The following OGA variants were observed in gnomAD, a reference collection of about 807,000 sequenced individuals.
OGA encodes the protein O-GlcNAcase.
OGA carries 21 observed loss-of-function variants against 102.0 expected under a neutral mutation model. The observed-to-expected ratio is 0.21, with a 90% CI of 0.15 to 0.30. OGA has a LOEUF of 0.30. Ranked by LOEUF, OGA falls within the 10% of genes least tolerant of loss-of-function variation. OGA has a pLI of 1.00. For missense variants in OGA, 765 were observed against 1,107.8 expected (o/e 0.69, Z 4.39); for synonymous variants, 408 against 378.2 (o/e 1.08, Z -0.91).
intron 3 of OGA, 62 bp downstream of exon 3, chr10:101,812,968 A>G: frequency 8.0e-7 from 1 of 1,253,068 alleles, no homozygotes; most frequent in Non-Finnish European, 1.2e-6. Flanking sequence ...GTACAACTAC[A>G]TTTAAAATAT....
At chr10:101,802,880 T>C (rs949302781) in intron 7 of OGA, among the ~76,000 whole-genome samples, 3 of 150,730 alleles carry the variant, frequency 2.0e-5, no homozygotes, top group African/African-American at 7.3e-5. Context: ...GGCTCATGCC[T>C]GTAATCCCAG....
chr10:101,805,159 C>T (rs2065451414), intron 6 of OGA, among the ~76,000 whole-genome samples: 1 of 152,114 alleles, frequency 6.6e-6, no homozygotes, highest in South Asian at 2.1e-4. Flanking sequence ...ACCTCAGCCC[C>T]CTAAGTAGCT....
chr10:101,800,699 G>C (rs1005263445), intron 7 of OGA, among the ~76,000 whole-genome samples: 2 of 151,786 alleles, frequency 1.3e-5, no homozygotes, highest in Non-Finnish European at 2.9e-5. Context: ...TAATTGTTGG[G>C]AAGTCAAGGT....
intron 1 of OGA, among the ~76,000 whole-genome samples, chr10:101,817,519 G>T (rs2065650567): frequency 6.6e-6 from 1 of 152,130 alleles, no homozygotes; most frequent in South Asian, 2.1e-4. Flanking sequence ...AAGGTACAAA[G>T]AAGTAGAACT....
intron 1 of OGA, among the ~76,000 whole-genome samples, chr10:101,813,996 C>A (rs1589842167): frequency 6.6e-6 from 1 of 152,078 alleles, no homozygotes; most frequent in South Asian, 2.1e-4. Flanking sequence ...CCAACAGTAA[C>A]AATTACTTCC....
At chr10:101,805,671 AAAG>A (rs921385317) in intron 6 of OGA, among the ~76,000 whole-genome samples, 1 of 150,060 alleles carries the variant, frequency 6.7e-6, no homozygotes, top group Non-Finnish European at 1.5e-5. Flanking sequence ...AAAAAAAAAA[AAAG>A]GCCAGGCGTG....
In OGA at chr10:101,814,988, T is replaced by A. The variant is rs1394203596; in HGVS notation, c.200-1382A>T. On this transcript the variant is annotated intron_variant, in intron 1 of 15. Coordinates refer to ENST00000361464, the MANE Select transcript of OGA (RefSeq NM_012215.5). ...AACCTTTACTTTCCACTTGTCTCAG[T>A]CTAATCATCAGTAAGAGATAAGGAC... 2.6e-5 allele frequency among the ~76,000 whole-genome samples: 4 copies of A among 152,212 alleles called. No homozygotes were observed. The East Asian group carries it at 7.7e-4, about 29-fold the overall frequency.
At position 101,799,305 on chromosome 10, in the gene OGA, G is replaced by C; in HGVS notation, c.1346C>G (p.Thr449Ser). 1.9e-6 allele frequency: 3 copies of C among 1,614,106 alleles called. No individual in the cohort carries two copies. Among genetic ancestry groups the C allele is most frequent in the Non-Finnish European group, 2.5e-6 (3 of 1,180,024 alleles). Residue 449 changes from threonine (T) to serine (S), a missense_variant, in exon 9 of 16, where the codon ACT becomes AGT. By Grantham distance (58) the Thr-to-Ser change is moderately conservative. Transcript: ENST00000361464. ...SQGAALSGEP[T>S]TLTKEEEKKQ... ...CTTTTCTTCTTCCTTGGTCAGAGTA[G>C]TAGGCTCACCACTCAAGGCTGCTCC...
At chr10:101,815,604 A>G (rs2065611536) in intron 1 of OGA, among the ~76,000 whole-genome samples, 2 of 152,136 alleles carry the variant, frequency 1.3e-5, no homozygotes, top group African/African-American at 4.8e-5. Flanking sequence ...ATTCTTGATC[A>G]GGCAGACCTA....
chr10:101,816,166 GGGA>G (rs1396077669), intron 1 of OGA, among the ~76,000 whole-genome samples: 2 of 152,228 alleles, frequency 1.3e-5, no homozygotes, highest in Non-Finnish European at 2.9e-5. Context: ...GGGAGGGTGA[GGGA>G]GGAGAATTGC....
chr10:101,789,936 G>T (rs1269634097), intron 14 of OGA, among the ~76,000 whole-genome samples: 1 of 152,174 alleles, frequency 6.6e-6, no homozygotes, highest in Non-Finnish European at 1.5e-5. Flanking sequence ...CCATGTTTGT[G>T]CTATTGCATT....
chr10:101,795,349 C>T (rs1451864002), intron 10 of OGA, among the ~76,000 whole-genome samples: 1 of 152,204 alleles, frequency 6.6e-6, no homozygotes, highest in East Asian at 1.9e-4. Context: ...TTCATGTCTA[C>T]CGCCCTTAAA....
rs528976894 is a variant in OGA, at chr10:101,806,982, T to A, written c.652+748A>T. ...ATAATACAAACTTAAAAGTAAAATT[T>A]AAAAAAAATTTTTTTAAAGGCATAT... On this transcript the variant is annotated intron_variant, in intron 5 of 15. Transcript: ENST00000361464. Among the ~76,000 whole-genome samples, 448 of 152,180 alleles carry A rather than the reference T, an allele frequency of 2.9e-3. 4 individuals carry two copies. Among genetic ancestry groups the A allele is most frequent in the Non-Finnish European group, 5.0e-3 (343 of 67,994 alleles).
chr10:101,818,214 G>C lies in OGA; in HGVS notation c.-192C>G. On this transcript the variant is annotated 5_prime_UTR_variant, in exon 1 of 16. Coordinates refer to ENST00000361464, the MANE Select transcript of OGA (RefSeq NM_012215.5). Reference sequence around the variant, plus strand: ...CCCGGATGAGAAGGGCGGCGGCACCGGCGCGAGCCCTTTGTCAGCCGCAGC... The same window carrying C: ...CCCGGATGAGAAGGGCGGCGGCACCCGCGCGAGCCCTTTGTCAGCCGCAGC... 7.4e-7 allele frequency: 1 copy of C among 1,344,574 alleles called. No individual in the cohort carries two copies. The highest frequency in any genetic ancestry group is 9.5e-7 in the Non-Finnish European group (1 of 1,051,806). 83.3% of individuals were successfully genotyped at this position (1,344,574 alleles called of 1,614,324 possible).
At chr10:101,815,961 GAGAAAAAAAAAAAA>G (rs1478942427) in intron 1 of OGA, among the ~76,000 whole-genome samples, 2,589 of 23,776 alleles carry the variant, frequency 0.11, 65 homozygotes, top group Middle Eastern at 0.32. Context: ...ATCAAAAAGA[GAGAAAAAAAAAAAA>G]AAAAAAAAAA....
At chr10:101,800,771 CTTTTTTTT>C (rs771355527) in intron 7 of OGA, among the ~76,000 whole-genome samples, 3 of 117,646 alleles carry the variant, frequency 2.6e-5, no homozygotes, top group Non-Finnish European at 5.4e-5. Context: ...CTTGTAACTT[CTTTTTTTT>C]TTTTTTTTTT....
chr10:101,809,728 A>G (rs897360640), intron 4 of OGA, among the ~76,000 whole-genome samples: 1 of 151,248 alleles, frequency 6.6e-6, no homozygotes, highest in Non-Finnish European at 1.5e-5. Context: ...AAAGAAAAAA[A>G]AAGCATTCAA....
intron 1 of OGA, among the ~76,000 whole-genome samples, 185 bp downstream of exon 1, chr10:101,817,639 G>T (rs2065654648): frequency 6.6e-6 from 1 of 152,132 alleles, no homozygotes; most frequent in African/African-American, 2.4e-5. Flanking sequence ...GGGGGAATTC[G>T]ACGCCGTCTT....
At chr10:101,798,696 G>GA (rs2065350988) in intron 9 of OGA, 146 bp downstream of exon 9, 1 of 1,051,000 alleles carries the variant, frequency 9.5e-7, no homozygotes, top group Non-Finnish European at 1.3e-6. Context: ...CTACAGGCAT[G>GA]AGCCATCATA....
Sources: allele counts gnomAD v4.1 joint callset (sites outside exome capture counted in the v4.1 genomes callset), GRCh38; gene constraint gnomAD v4.1.1; transcripts MANE v1.5; gene names NCBI Gene and HGNC (gene_info 2026-07-23, HGNC 2026-07-21).